Variants in RRP1B observed in about 807,000 individuals in gnomAD.
The protein encoded by RRP1B is ribosomal RNA processing protein 1 homolog B.
A neutral mutation model predicts 80.2 loss-of-function variants in RRP1B; 56 were observed. The observed-to-expected ratio is 0.70, with a 90% CI of 0.56 to 0.87. The LOEUF is 0.87. RRP1B is among the 40% of genes least tolerant of loss of function. RRP1B has a pLI of 0.00. For synonymous variants in RRP1B, 351 were observed against 357.6 expected (o/e 0.98, Z 0.21); for missense variants, 807 against 939.8 (o/e 0.86, Z 1.85).
intron 1 of RRP1B, among the ~76,000 whole-genome samples, chr21:43,662,483 C>T (rs979899357): frequency 2.6e-5 from 4 of 152,222 alleles, no homozygotes; most frequent in African/African-American, 9.6e-5. Flanking sequence ...GCCTGACATT[C>T]GACTCCCGAT....
At chr21:43,680,563 CAA>C (rs1209021304) in intron 8 of RRP1B, among the ~76,000 whole-genome samples, 7 of 137,288 alleles carry the variant, frequency 5.1e-5, no homozygotes, top group Non-Finnish European at 4.8e-5. Context: ...GACGCCATCT[CAA>C]AAAAAAAAAA....
At chr21:43,661,766 A>T (rs747941505) in intron 1 of RRP1B, among the ~76,000 whole-genome samples, 2 of 152,182 alleles carry the variant, frequency 1.3e-5, no homozygotes, top group Non-Finnish European at 2.9e-5. Context: ...TTCCTGCCTA[A>T]GCCCCGTGTA....
intron 13 of RRP1B, among the ~76,000 whole-genome samples, chr21:43,689,543 G>A (rs1017167827): frequency 3.9e-5 from 6 of 152,156 alleles, no homozygotes; most frequent in Non-Finnish European, 5.9e-5. Flanking sequence ...CCTGCCCCTC[G>A]TACCCTCAGC....
intron 8 of RRP1B, among the ~76,000 whole-genome samples, chr21:43,680,782 C>T (rs1029211529): frequency 2.0e-5 from 3 of 152,236 alleles, no homozygotes; most frequent in South Asian, 2.1e-4. Context: ...TAGGCTTAAG[C>T]ATTCCACCCA....
At chr21:43,680,714 C>T (rs1426901122) in intron 8 of RRP1B, among the ~76,000 whole-genome samples, 3 of 152,092 alleles carry the variant, frequency 2.0e-5, no homozygotes, top group Non-Finnish European at 4.4e-5. Context: ...GCACACACCT[C>T]TTTATTTTTT....
chr21:43,668,223 G>A (rs1314710445), intron 1 of RRP1B, among the ~76,000 whole-genome samples: 2 of 148,064 alleles, frequency 1.4e-5, no homozygotes, highest in Non-Finnish European at 3.0e-5. Flanking sequence ...AAAAAAAAAA[G>A]AATCAAAATG....
chr21:43,665,167 A>G (rs1363929655), intron 1 of RRP1B, among the ~76,000 whole-genome samples: 1 of 152,264 alleles, frequency 6.6e-6, no homozygotes, highest in Non-Finnish European at 1.5e-5. Flanking sequence ...AGACCACATT[A>G]TCACTTACTG....
In RRP1B at chr21:43,693,541, T is replaced by C; in HGVS notation, c.*158T>C. The C allele has an allele frequency of 1.6e-6, 1 of 629,588 alleles. No individual in the cohort carries two copies. The highest frequency in any genetic ancestry group is 2.6e-5 in the South Asian group (1 of 38,202). 39.0% of individuals were successfully genotyped at this position (629,588 alleles called of 1,614,324 possible). ...CCGCAGGCTGCTGCGTCCTGGCCCC[T>C]CTGTAGTGGCTGCGGGCGTCTTGGT... is the stretch of plus-strand genomic sequence containing the variant. On this transcript the variant is annotated 3_prime_UTR_variant, in exon 16 of 16. Transcript: ENST00000340648. The surrounding 1 kb of genome is among the most constrained non-coding windows in gnomAD (Gnocchi z 4.1).
At chr21:43,672,164 T>C in intron 2 of RRP1B, 144 bp from the exon 3 acceptor site, 1 of 683,434 alleles carries the variant, frequency 1.5e-6, no homozygotes, top group Non-Finnish European at 2.6e-6. Flanking sequence ...ATTCAGATAT[T>C]CGGATACATA....
intron 2 of RRP1B, 102 bp from the exon 3 acceptor site, chr21:43,672,206 C>A (rs2083002185): frequency 2.1e-6 from 2 of 943,094 alleles, no homozygotes; most frequent in Admixed American, 1.8e-5. Flanking sequence ...AGGGGCAGAC[C>A]TTCCCACGAG....
intron 1 of RRP1B, among the ~76,000 whole-genome samples, chr21:43,662,606 A>G (rs1347644189): frequency 6.6e-6 from 1 of 151,548 alleles, no homozygotes; most frequent in Admixed American, 6.6e-5. Context: ...TAGCTTTGTC[A>G]TTTTAAAAAT....
At chr21:43,675,996 C>T (rs762859392) in intron 6 of RRP1B, among the ~76,000 whole-genome samples, 6 of 151,928 alleles carry the variant, frequency 3.9e-5, no homozygotes, top group Non-Finnish European at 5.9e-5. Context: ...ATTGGACACC[C>T]GTGTTGTATA....
intron 8 of RRP1B, among the ~76,000 whole-genome samples, chr21:43,681,680 G>A (rs1050175476): frequency 1.3e-5 from 2 of 151,902 alleles, no homozygotes; most frequent in Admixed American, 6.6e-5. Context: ...GGCCAGGCAC[G>A]GTGGCTCACA....
At chr21:43,662,459 T>C (rs551127968) in intron 1 of RRP1B, among the ~76,000 whole-genome samples, 2 of 152,322 alleles carry the variant, frequency 1.3e-5, no homozygotes, top group South Asian at 4.1e-4. Context: ...CAGCACAAGT[T>C]TGGAAATAAC....
Position 43,691,555 on chromosome 21 carries a change from T to A in RRP1B, c.2083+53T>A. 1 of 1,549,060 alleles carries A rather than the reference T, an allele frequency of 6.5e-7. No individual in the cohort carries two copies. Among genetic ancestry groups the A allele is most frequent in the Admixed American group, 1.7e-5 (1 of 59,656 alleles). On this transcript the variant is annotated intron_variant, in intron 15 of 15. Transcript: ENST00000340648. The surrounding 1 kb of genome is among the most constrained non-coding windows in gnomAD (Gnocchi z 4.2). ...TTCTCTGGAGCACAGCTGCAGCTCC[T>A]GGCGCGGCTCGCAGCCTGGTTCCAC... is the stretch of plus-strand genomic sequence containing the variant.
At chr21:43,660,562 CAAAAA>C (rs952828375) in intron 1 of RRP1B, among the ~76,000 whole-genome samples, 4 of 151,886 alleles carry the variant, frequency 2.6e-5, no homozygotes, top group South Asian at 2.1e-4. Context: ...AACTCCGTCT[CAAAAA>C]GAAAAGAAAA....
chr21:43,664,503 G>C lies in RRP1B; in HGVS notation c.130+4709G>C, dbSNP rs77806365. On this transcript the variant is annotated intron_variant, in intron 1 of 15. Coordinates refer to ENST00000340648, the MANE Select transcript of RRP1B (RefSeq NM_015056.3). ...AACAATAAATCTTTCATATAGTATA[G>C]GTGATAGAACTGAGGCCCAAAAGTC... Among the ~76,000 whole-genome samples the C allele has an allele frequency of 5.8e-4, 88 of 152,306 alleles. 1 individual carries two copies. In the East Asian group the frequency reaches 0.016, roughly 28 times the overall value.
At chr21:43,661,183 G>A (rs1264881762) in intron 1 of RRP1B, among the ~76,000 whole-genome samples, 1 of 152,188 alleles carries the variant, frequency 6.6e-6, no homozygotes, top group East Asian at 1.9e-4. Context: ...CTCCCCAAGA[G>A]ATTTTGTTTA....
At chr21:43,681,712 G>A (rs903609081) in intron 8 of RRP1B, among the ~76,000 whole-genome samples, 1 of 152,224 alleles carries the variant, frequency 6.6e-6, no homozygotes, top group Non-Finnish European at 1.5e-5. Flanking sequence ...ATCACTTTGG[G>A]AGCCTGAGGT....
Sources: allele counts gnomAD v4.1 joint callset (sites outside exome capture counted in the v4.1 genomes callset), GRCh38; gene constraint gnomAD v4.1.1; non-coding constraint Gnocchi (gnomAD v3.1); transcripts MANE v1.5; gene names NCBI Gene and HGNC (gene_info 2026-07-23, HGNC 2026-07-21).